Variants in TRPM3 observed in about 807,000 individuals in gnomAD.
TRPM3 encodes the protein long transient receptor potential channel 3.
A neutral mutation model predicts 181.2 loss-of-function variants in TRPM3; 77 were observed. The ratio of observed to expected loss-of-function variants is 0.42; its 90% CI spans 0.35 to 0.51. TRPM3 has a LOEUF of 0.51. TRPM3 is among the 20% of genes least tolerant of loss of function. The pLI, the probability that TRPM3 is intolerant of heterozygous loss-of-function variation, is 0.01. For synonymous variants in TRPM3, 745 were observed against 796.4 expected, an observed-to-expected ratio of 0.94 and a Z score of 1.09; for missense variants, 1,759 against 2,196.7, an observed-to-expected ratio of 0.80 and a Z score of 3.98.
At chr9:71,162,485 G>A (rs961119003) in intron 1 of TRPM3, among the ~76,000 whole-genome samples, 1 of 151,914 alleles carries the variant, frequency 6.6e-6, no homozygotes, top group Admixed American at 6.6e-5. Flanking sequence ...AAGAAAATGG[G>A]TATACTTTAT....
chr9:70,921,680 A>C (rs1301573277), intron 1 of TRPM3, among the ~76,000 whole-genome samples: 1 of 151,996 alleles, frequency 6.6e-6, no homozygotes, highest in Non-Finnish European at 1.5e-5. Context: ...TAACACAAAG[A>C]CCCATTTCTC....
intron 1 of TRPM3, among the ~76,000 whole-genome samples, chr9:71,035,359 T>C (rs2058056035): frequency 6.6e-6 from 1 of 152,186 alleles, no homozygotes; most frequent in African/African-American, 2.4e-5. Flanking sequence ...ACTTAACATA[T>C]GTTAAGAAGA....
intron 1 of TRPM3, among the ~76,000 whole-genome samples, chr9:71,354,684 C>T (rs1479438720): frequency 6.6e-6 from 1 of 152,066 alleles, no homozygotes; most frequent in East Asian, 1.9e-4. Flanking sequence ...TTGAGACATC[C>T]CTGCCACCGA....
chr9:70,958,812 G>GC (rs1298837601), intron 1 of TRPM3, among the ~76,000 whole-genome samples: 6 of 151,422 alleles, frequency 4.0e-5, no homozygotes, highest in Admixed American at 1.3e-4. Flanking sequence ...ATACACCATG[G>GC]AATACTATGT....
intron 1 of TRPM3, among the ~76,000 whole-genome samples, chr9:71,239,377 T>C (rs974964968): frequency 4.6e-5 from 7 of 152,146 alleles, no homozygotes; most frequent in African/African-American, 1.7e-4. Context: ...TAGGAAAATA[T>C]ACATTATTTT....
At chr9:71,225,824 T>C (rs1417531076) in intron 1 of TRPM3, among the ~76,000 whole-genome samples, 1 of 151,550 alleles carries the variant, frequency 6.6e-6, no homozygotes, top group Non-Finnish European at 1.5e-5. Flanking sequence ...GACCCACTGA[T>C]TTTTGTATTT....
chr9:70,755,184 C>T (rs1291596785), intron 8 of TRPM3, among the ~76,000 whole-genome samples: 1 of 152,048 alleles, frequency 6.6e-6, no homozygotes, highest in Non-Finnish European at 1.5e-5. Flanking sequence ...CAAAGATACT[C>T]CTCAAGAAGA....
chr9:70,583,259 G>T (rs560736658), intron 22 of TRPM3, among the ~76,000 whole-genome samples: 18 of 152,288 alleles, frequency 1.2e-4, no homozygotes, highest in African/African-American at 3.4e-4. Context: ...AAAGAAATGT[G>T]AGTCTGCACA....
In TRPM3 at chr9:71,299,590, C is replaced by T. The variant is rs541010527; in HGVS notation, c.183+147063G>A. 5.3e-5 allele frequency among the ~76,000 whole-genome samples: 8 copies of T among 151,936 alleles called. No homozygotes were observed. In the South Asian group the frequency reaches 1.2e-3, roughly 24 times the overall value. On this transcript the variant is annotated intron_variant, in intron 1 of 24. Transcript: ENST00000357533. The stretch of plus-strand genomic sequence containing the variant: ...AGGAAGGAGGGAAGAGAAATGTTAA[C>T]GTAATGGAAACTATTCTAATTTGTT...
At chr9:70,993,686 C>T (rs867704572) in intron 1 of TRPM3, among the ~76,000 whole-genome samples, 1 of 148,504 alleles carries the variant, frequency 6.7e-6, no homozygotes, top group Middle Eastern at 3.5e-3. Context: ...GTGAGATTAT[C>T]TGTGGAAGGA....
At chr9:71,198,421 A>T (rs1228421746) in intron 1 of TRPM3, among the ~76,000 whole-genome samples, 1 of 152,190 alleles carries the variant, frequency 6.6e-6, no homozygotes, top group Non-Finnish European at 1.5e-5. Context: ...AGTCATTGGT[A>T]GCTTCATGGG....
At chr9:71,103,326 C>T (rs924855524) in intron 1 of TRPM3, among the ~76,000 whole-genome samples, 1 of 152,078 alleles carries the variant, frequency 6.6e-6, no homozygotes, top group Non-Finnish European at 1.5e-5. Flanking sequence ...GAAAGAGGAA[C>T]CTTAGAACAA....
At chr9:71,438,541 C>T (rs182425695) in intron 1 of TRPM3, among the ~76,000 whole-genome samples, 7 of 152,044 alleles carry the variant, frequency 4.6e-5, no homozygotes, top group East Asian at 3.9e-4. Flanking sequence ...GGTGTGGTGG[C>T]GCATGCATGT....
At position 70,639,105 on chromosome 9, in the gene TRPM3, C is replaced by T. The variant is rs1320343745; in HGVS notation, c.1536G>A (p.Met512Ile). 1 of 1,613,984 alleles carries T rather than the reference C, an allele frequency of 6.2e-7. No homozygotes were observed. The highest frequency in any genetic ancestry group is 8.5e-7 in the Non-Finnish European group (1 of 1,179,906). The change falls in exon 11 of 26, where the codon ATG becomes ATA. Residue 512 changes from methionine to isoleucine, a missense_variant. Around this residue, in one of 8 missense-constraint regions of TRPM3, gnomAD observed 737 missense variants for 957.4 expected, o/e 0.77. Transcript: ENST00000677713. ...VKLLIENGVS[M>I]HRFLTISRLE... ...GTCTGGAGATGGTGAGAAAACGGTG[C>T]ATGCTTACTCCATTCTCTATGAGTA...
At chr9:70,937,508 C>G (rs1397433735) in intron 1 of TRPM3, among the ~76,000 whole-genome samples, 4 of 152,088 alleles carry the variant, frequency 2.6e-5, no homozygotes, top group Non-Finnish European at 4.4e-5. Flanking sequence ...AAAAGAGTAT[C>G]CAAAATTACT....
chr9:71,386,985 G>C (rs890059961), intron 1 of TRPM3, among the ~76,000 whole-genome samples: 1 of 152,138 alleles, frequency 6.6e-6, no homozygotes, highest in African/African-American at 2.4e-5. Context: ...TTTTGGAAAT[G>C]ATTTTCTCAG....
At chr9:70,657,206 A>T (rs1589878294) in intron 9 of TRPM3, among the ~76,000 whole-genome samples, 1 of 107,938 alleles carries the variant, frequency 9.3e-6, no homozygotes, top group Non-Finnish European at 2.0e-5. Context: ...GGTAAAAAAA[A>T]AAAAAAAAAA....
At chr9:70,899,362 C>T (rs2096347714) in intron 1 of TRPM3, among the ~76,000 whole-genome samples, 1 of 152,132 alleles carries the variant, frequency 6.6e-6, no homozygotes, top group Non-Finnish European at 1.5e-5. Flanking sequence ...CAGCTGCTCC[C>T]CATTGCCTAA....
intron 1 of TRPM3, among the ~76,000 whole-genome samples, chr9:71,195,083 T>C (rs1475018481): frequency 1.3e-5 from 2 of 151,978 alleles, no homozygotes; most frequent in South Asian, 2.1e-4. Flanking sequence ...AATACCATTC[T>C]GGACATAGGA....
Sources: gnomAD v4.1 joint callset for allele counts (sites outside exome capture counted in the v4.1 genomes callset) on GRCh38, gnomAD v4.1.1 for gene constraint, gnomAD v4.1.1 regional missense constraint, MANE v1.5 for transcripts, NCBI Gene and HGNC (gene_info 2026-07-23, HGNC 2026-07-21) for gene names.